The following TAB2 variants were observed in gnomAD, a reference collection of about 807,000 sequenced individuals.
TAB2 encodes TGF-beta-activated kinase 1 and MAP3K7-binding protein 2.
Under a neutral mutation model 65.0 loss-of-function variants are expected in TAB2, and 3 were observed. That is an observed-to-expected ratio of 0.05 (90% CI 0.02 to 0.12). The LOEUF is 0.12. Ranked by LOEUF, TAB2 falls within the 10% of genes least tolerant of loss-of-function variation. The pLI is 1.00. For synonymous variants in TAB2, 298 were observed against 285.1 expected (o/e 1.05, Z -0.46); for missense variants, 623 against 840.3 (o/e 0.74, Z 3.20).
intron 6 of TAB2, among the ~76,000 whole-genome samples, chr6:149,403,246 AAATAT>A (rs1385240913): frequency 9.8e-4 from 31 of 31,692 alleles, no homozygotes; most frequent in East Asian, 6.5e-3. Context: ...AAAAAAAAAA[AAATAT>A]ATATATATAT....
At chr6:149,366,898 TTAAA>T in intron 1 of TAB2, among the ~76,000 whole-genome samples, 2 of 152,272 alleles carry the variant, frequency 1.3e-5, no homozygotes, top group South Asian at 2.1e-4. Flanking sequence ...TCATCCTCCT[TTAAA>T]TAATAAAAAT....
At chr6:149,320,045 T>C (rs1167979178) in intron 1 of TAB2, among the ~76,000 whole-genome samples, 1 of 152,180 alleles carries the variant, frequency 6.6e-6, no homozygotes, top group Non-Finnish European at 1.5e-5. Flanking sequence ...TTGCTAAGAC[T>C]GGGAAACAAT....
At chr6:149,316,597 C>T (rs1026848789), upstream of TAB2, among the ~76,000 whole-genome samples, 1 of 151,866 alleles carries the variant, frequency 6.6e-6, no homozygotes, top group African/African-American at 2.4e-5. Flanking sequence ...AAATATTTCA[C>T]ATTGTGAGAA....
chr6:149,303,865 G>A (rs1471075837), intron 1 of TAB2, among the ~76,000 whole-genome samples: 2 of 152,222 alleles, frequency 1.3e-5, no homozygotes, highest in Non-Finnish European at 2.9e-5. Flanking sequence ...CAGGAAAGTG[G>A]GGATCTAAAT....
chr6:149,358,674 T>TG (rs1238771619), intron 1 of TAB2, among the ~76,000 whole-genome samples: 716 of 13,332 alleles, frequency 0.054, 8 homozygotes, highest in African/African-American at 0.1. Context: ...GTGTGTGTGT[T>TG]TTCAGTATAT....
chr6:149,277,432 G>A (rs540622166), intron 1 of TAB2, among the ~76,000 whole-genome samples: 92 of 152,142 alleles, frequency 6.0e-4, no homozygotes, highest in Non-Finnish European at 1.1e-3. Context: ...AAAGCAAGAT[G>A]CAGAGTAGTA....
chr6:149,232,193 G>A (rs1343296393), intron 1 of TAB2, among the ~76,000 whole-genome samples: 2 of 152,076 alleles, frequency 1.3e-5, no homozygotes, highest in African/African-American at 4.8e-5. Flanking sequence ...AGGCCTCGGG[G>A]ACCACCAGCC....
intron 1 of TAB2, among the ~76,000 whole-genome samples, chr6:149,275,890 G>T (rs568862990): frequency 1.3e-5 from 2 of 152,268 alleles, no homozygotes; most frequent in East Asian, 3.9e-4. Context: ...AACTGTCAAG[G>T]TTATCTGAGA....
chr6:149,299,271 C>T (rs1390685196), intron 1 of TAB2, among the ~76,000 whole-genome samples: 1 of 152,106 alleles, frequency 6.6e-6, no homozygotes, highest in Non-Finnish European at 1.5e-5. Context: ...TATCAGCAGC[C>T]GTTATAATTC....
chr6:149,331,860 G>T (rs373484412), intron 1 of TAB2, among the ~76,000 whole-genome samples: 3 of 152,210 alleles, frequency 2.0e-5, no homozygotes, highest in African/African-American at 7.2e-5. Context: ...TGCTGTGTGT[G>T]GAGTAGACTT....
intron 1 of TAB2, among the ~76,000 whole-genome samples, chr6:149,279,721 T>C (rs1409835576): frequency 6.6e-6 from 1 of 152,232 alleles, no homozygotes; most frequent in East Asian, 1.9e-4. Context: ...AGTTCCTTTA[T>C]TTAGTTTCCA....
rs560893748 is a variant in TAB2 at position 149,360,366 on chromosome 6, G to C, written c.-89-9543G>C. Among the ~76,000 whole-genome samples, 6 of 152,298 alleles carry C rather than the reference G, an allele frequency of 3.9e-5. No individual in the cohort carries two copies. The South Asian group carries it at 1.2e-3, about 32-fold the overall frequency. On this transcript the variant is annotated intron_variant, in intron 1 of 6. Transcript: ENST00000637181. ...TCACCTTTTGGTGGGGCTTCAGGAA[G>C]CTTACAATCATGGCCGAAGGCACAG...
At chr6:149,340,360 C>T (rs944803289) in intron 1 of TAB2, among the ~76,000 whole-genome samples, 4 of 152,074 alleles carry the variant, frequency 2.6e-5, no homozygotes, top group African/African-American at 7.2e-5. Flanking sequence ...TTATTAGTAA[C>T]GTCAAGCTAG....
At chr6:149,347,893 T>C (rs997092709) in intron 1 of TAB2, among the ~76,000 whole-genome samples, 3 of 152,196 alleles carry the variant, frequency 2.0e-5, no homozygotes, top group African/African-American at 7.2e-5. Flanking sequence ...TTAGGTAATA[T>C]GATTCTTATT....
rs139948533 is a variant in TAB2 at position 149,248,793 on chromosome 6, G to A, written c.-121+30017G>A. On this transcript the variant is annotated intron_variant, in intron 1 of 1. Coordinates refer to the TAB2 transcript ENST00000606202. ...CCCCCAGTGCTGCTGTCCCTGCCCT[G>A]GGCCTGTTTTGTGAGCTGTGTCTGA... is the stretch of plus-strand genomic sequence containing the variant. Among the ~76,000 whole-genome samples the A allele has an allele frequency of 3.5e-3, 539 of 152,214 alleles. 1 individual carries two copies. Among genetic ancestry groups the A allele is most frequent in the African/African-American group, 0.012 (489 of 41,502 alleles).
At chr6:149,307,827 G>A (rs1779096365) in intron 1 of TAB2, among the ~76,000 whole-genome samples, 1 of 152,010 alleles carries the variant, frequency 6.6e-6, no homozygotes, top group African/African-American at 2.4e-5. Flanking sequence ...CCACCAAAAA[G>A]GTACAAAGAA....
At chr6:149,361,189 T>G (rs1442931468) in intron 1 of TAB2, among the ~76,000 whole-genome samples, 1 of 152,134 alleles carries the variant, frequency 6.6e-6, no homozygotes, top group Non-Finnish European at 1.5e-5. Context: ...ACATTTTCCC[T>G]CCCTACAGCC....
At chr6:149,372,014 A>G (rs1781242926) in intron 2 of TAB2, among the ~76,000 whole-genome samples, 1 of 152,192 alleles carries the variant, frequency 6.6e-6, no homozygotes, top group African/African-American at 2.4e-5. Context: ...TAGGTTATTA[A>G]AAAACTAACA....
rs186213465 is a variant in TAB2 at position 149,240,983 on chromosome 6, C to T, written c.-121+22207C>T. ...TAAGTCGTAAGGGTGGGGCCCTAAT[C>T]CAATAGTGATAATGCCCTCATATAA... is the stretch of plus-strand genomic sequence containing the variant. On this transcript the variant is annotated intron_variant, in intron 1 of 1. Coordinates refer to the TAB2 transcript ENST00000606202. Among the ~76,000 whole-genome samples the T allele has an allele frequency of 1.3e-3, 198 of 152,084 alleles. 1 individual carries two copies. The highest frequency in any genetic ancestry group is 5.8e-4 in the East Asian group (3 of 5,184).
Sources: allele counts gnomAD v4.1 joint callset (sites outside exome capture counted in the v4.1 genomes callset), GRCh38; gene constraint gnomAD v4.1.1; transcripts MANE v1.5; gene names NCBI Gene and HGNC (gene_info 2026-07-23, HGNC 2026-07-21).